The following GRM8 variants were observed in gnomAD, a reference collection of about 807,000 sequenced individuals.
GRM8 encodes the protein glutamate metabotropic receptor 8.
Under a neutral mutation model 87.2 loss-of-function variants are expected in GRM8, and 47 were observed. The ratio of observed to expected loss-of-function variants is 0.54; its 90% CI spans 0.43 to 0.69. The LOEUF is 0.69. Ranked by LOEUF, GRM8 falls within the 30% of genes least tolerant of loss-of-function variation. GRM8 has a pLI of 0.00. For missense variants in GRM8, 1,019 were observed against 1,139.2 expected (o/e 0.89, Z 1.52); for synonymous variants, 396 against 404.5 (o/e 0.98, Z 0.25).
At chr7:127,107,001 G>T (rs1007683113) in intron 2 of GRM8, among the ~76,000 whole-genome samples, 1 of 152,146 alleles carries the variant, frequency 6.6e-6, no homozygotes, top group Non-Finnish European at 1.5e-5. Flanking sequence ...TGTTGATGTT[G>T]CTTTTTGTTG....
At chr7:126,681,884 C>G (rs2151334032) in intron 7 of GRM8, among the ~76,000 whole-genome samples, 1 of 152,280 alleles carries the variant, frequency 6.6e-6, no homozygotes, top group Non-Finnish European at 1.5e-5. Context: ...AAGGCTGTTT[C>G]CTTCTTATTT....
chr7:127,165,319 A>G (rs1226939824), intron 2 of GRM8, among the ~76,000 whole-genome samples: 2 of 151,456 alleles, frequency 1.3e-5, no homozygotes, highest in Non-Finnish European at 1.5e-5. Flanking sequence ...ATGATAAAAC[A>G]CATATTGAAA....
At chr7:126,477,595 G>GAAAGAAAGAA (rs1563051206) in intron 9 of GRM8, among the ~76,000 whole-genome samples, 1 of 56,672 alleles carries the variant, frequency 1.8e-5, no homozygotes, top group Non-Finnish European at 5.1e-5. Flanking sequence ...AAGAAAGAAA[G>GAAAGAAAGAA]AAAGAAAGAA....
intron 7 of GRM8, among the ~76,000 whole-genome samples, chr7:126,644,502 C>T (rs968445179): frequency 6.6e-6 from 1 of 152,178 alleles, no homozygotes; most frequent in African/African-American, 2.4e-5. Context: ...GGTTTTCCTC[C>T]TATTGAAAAT....
At chr7:126,640,794 C>T (rs1444376673) in intron 7 of GRM8, among the ~76,000 whole-genome samples, 4 of 152,074 alleles carry the variant, frequency 2.6e-5, no homozygotes, top group Admixed American at 2.0e-4. Flanking sequence ...CTCCTGATTT[C>T]ACTTTCTTTA....
chr7:126,648,803 A>AT lies in GRM8; in HGVS notation c.1358-39306dup, dbSNP rs1350087599. Reference sequence around the variant, plus strand: ...AATGAACAAATGCTGAACGACACTGATATTAAGACCTATTTATTAGAGCAA... The same window carrying AT: ...AATGAACAAATGCTGAACGACACTGATTATTAAGACCTATTTATTAGAGCAA... On this transcript the variant is annotated intron_variant, in intron 7 of 10. Transcript: ENST00000339582. 2.0e-5 allele frequency among the ~76,000 whole-genome samples: 3 copies of AT among 152,166 alleles called. No individual in the cohort carries two copies. The East Asian group carries it at 5.8e-4, about 29-fold the overall frequency.
At chr7:126,726,947 C>T (rs946959452) in intron 7 of GRM8, among the ~76,000 whole-genome samples, 1 of 151,994 alleles carries the variant, frequency 6.6e-6, no homozygotes, top group Non-Finnish European at 1.5e-5. Context: ...TATAAATTTA[C>T]ATATTCTTGA....
At chr7:126,835,206 C>G (rs1795737867) in intron 6 of GRM8, among the ~76,000 whole-genome samples, 1 of 151,984 alleles carries the variant, frequency 6.6e-6, no homozygotes, top group Non-Finnish European at 1.5e-5. Flanking sequence ...AATACAAATA[C>G]ATGAAACTAC....
chr7:127,134,442 T>A (rs755232162), intron 2 of GRM8, among the ~76,000 whole-genome samples: 1 of 152,202 alleles, frequency 6.6e-6, no homozygotes, highest in Admixed American at 6.5e-5. Context: ...GTTACATGAA[T>A]TCCAATGGGC....
chr7:126,867,875 A>G (rs563616812), intron 6 of GRM8, among the ~76,000 whole-genome samples: 12 of 152,358 alleles, frequency 7.9e-5, no homozygotes, highest in African/African-American at 2.9e-4. Context: ...TAATGAATCT[A>G]AAAGTATTTA....
At chr7:127,031,138 G>C (rs1377886562) in intron 3 of GRM8, among the ~76,000 whole-genome samples, 1 of 151,962 alleles carries the variant, frequency 6.6e-6, no homozygotes. Flanking sequence ...ACAAACCCCA[G>C]GTTTTCTTTA....
At chr7:127,065,590 G>T (rs1392426224) in intron 3 of GRM8, among the ~76,000 whole-genome samples, 1 of 152,220 alleles carries the variant, frequency 6.6e-6, no homozygotes, top group African/African-American at 2.4e-5. Flanking sequence ...ATTTGAGGAT[G>T]AAAGATAAGA....
chr7:127,129,367 C>T (rs987300649), intron 2 of GRM8, among the ~76,000 whole-genome samples: 12 of 152,140 alleles, frequency 7.9e-5, no homozygotes, highest in African/African-American at 2.7e-4. Context: ...GGCAAAAGTA[C>T]TCAGCATCTT....
Position 126,971,253 on chromosome 7 carries a change from CA to C in GRM8, c.728-66571del, listed in dbSNP as rs139165990. The stretch of plus-strand genomic sequence containing the variant: ...TAAACATCATGTTGTACATCATAAA[CA>C]CACAATTTTTAGAGATCCAGGCCAG... On this transcript the variant is annotated intron_variant, in intron 3 of 10. Transcript: ENST00000339582. 2.1e-3 allele frequency among the ~76,000 whole-genome samples: 305 copies of C among 145,996 alleles called. 2 individuals are homozygous for C. The South Asian group carries it at 0.021, about 10-fold the overall frequency.
intron 3 of GRM8, among the ~76,000 whole-genome samples, chr7:126,908,379 C>T (rs1331899031): frequency 6.6e-6 from 1 of 152,104 alleles, no homozygotes; most frequent in East Asian, 1.9e-4. Context: ...TGCAAACAAA[C>T]CAACCTCCGT....
At chr7:126,821,729 A>G (rs1794320059) in intron 6 of GRM8, among the ~76,000 whole-genome samples, 1 of 152,204 alleles carries the variant, frequency 6.6e-6, no homozygotes, top group Non-Finnish European at 1.5e-5. Flanking sequence ...TGGTTCCCCT[A>G]AAGCTAATAC....
At chr7:127,249,470 C>G (rs917516396) in intron 1 of GRM8, among the ~76,000 whole-genome samples, 2 of 152,106 alleles carry the variant, frequency 1.3e-5, no homozygotes, top group Non-Finnish European at 2.9e-5. Context: ...AGCAATGCAA[C>G]AAGCCAGAGC....
chr7:126,859,505 C>G (rs900295329), intron 6 of GRM8, among the ~76,000 whole-genome samples: 1 of 152,118 alleles, frequency 6.6e-6, no homozygotes, highest in African/African-American at 2.4e-5. Context: ...GAAGCAAATG[C>G]GCTTATCCAA....
intron 7 of GRM8, among the ~76,000 whole-genome samples, chr7:126,715,526 A>G (rs1811630576): frequency 6.6e-6 from 1 of 152,174 alleles, no homozygotes; most frequent in Admixed American, 6.5e-5. Context: ...ATAGGCTAGA[A>G]TCTACATTTT....
Sources: gnomAD v4.1 joint callset for allele counts (sites outside exome capture counted in the v4.1 genomes callset) on GRCh38, gnomAD v4.1.1 for gene constraint, MANE v1.5 for transcripts, NCBI Gene and HGNC (gene_info 2026-07-23, HGNC 2026-07-21) for gene names.